Variants in MAP3K15 observed in about 807,000 individuals in gnomAD.
MAP3K15 encodes the protein mitogen-activated protein kinase kinase kinase 15.
A neutral mutation model predicts 99.5 loss-of-function variants in MAP3K15; 124 were observed. That is an observed-to-expected ratio of 1.25 (90% CI 1.08 to 1.45). MAP3K15 has a LOEUF of 1.45. MAP3K15 is among the 40% of genes most tolerant of loss of function. The pLI, the probability that MAP3K15 is intolerant of heterozygous loss-of-function variation, is 0.00. For synonymous variants in MAP3K15, 494 were observed against 439.6 expected, an observed-to-expected ratio of 1.12 and a Z score of -1.55; for missense variants, 1,242 against 1,079.7, an observed-to-expected ratio of 1.15 and a Z score of -2.11.
rs997711007 is a variant in MAP3K15, at chrX:19,486,485, G to A, written c.522C>T (p.Asn174=). 4 of 846,718 alleles carry A rather than the reference G, an allele frequency of 4.7e-6. No homozygotes were observed. Among genetic ancestry groups the A allele is most frequent in the Non-Finnish European group, 3.2e-6 (2 of 623,696 alleles). 69.8% of individuals were successfully genotyped at this position (846,718 alleles called of 1,213,427 possible). A position where few individuals can be genotyped will look rare whatever the true frequency, so the allele number is the denominator to read the frequency against. Residue 174 remains asparagine, a synonymous_variant, in exon 3 of 29, where the codon AAC becomes AAT. Coordinates refer to ENST00000338883, the MANE Select transcript of MAP3K15 (RefSeq NM_001001671.4). ...TTCTGAAAATGTTAATACTTACTGT[G>A]TTTTTTTGAGTTACCATGTCCTGAA... ...LSLKDMVTQK[N]TASSGNYYFI...
intron 9 of MAP3K15, among the ~76,000 whole-genome samples, chrX:19,419,911 A>T (rs1278010451): frequency 8.9e-6 from 1 of 112,189 alleles, no homozygotes; most frequent in Non-Finnish European, 1.9e-5. Context: ...AACTACATGG[A>T]AACTGAACAA....
At chrX:19,458,256 G>C (rs1342985275) in intron 5 of MAP3K15, among the ~76,000 whole-genome samples, 1 of 112,285 alleles carries the variant, frequency 8.9e-6, no homozygotes, top group East Asian at 2.8e-4. Flanking sequence ...TGAAAAGAAG[G>C]GATACATGAA....
intron 24 of MAP3K15, 93 bp downstream of exon 24, chrX:19,370,866 G>A: frequency 2.9e-6 from 2 of 687,565 alleles, no homozygotes; most frequent in Middle Eastern, 3.1e-4. Context: ...TAACCAAGAT[G>A]GAAAAGAGAA....
intron 3 of MAP3K15, among the ~76,000 whole-genome samples, chrX:19,465,473 C>T (rs773989369): frequency 1.6e-4 from 17 of 109,018 alleles, no homozygotes; most frequent in Non-Finnish European, 2.9e-4. Context: ...TGGCCAGGCG[C>T]GGTGGCTCAC....
chrX:19,402,921 C>T (rs768658113), intron 13 of MAP3K15, among the ~76,000 whole-genome samples: 3 of 111,908 alleles, frequency 2.7e-5, no homozygotes, highest in Non-Finnish European at 3.8e-5. Flanking sequence ...CTGCCTTGGC[C>T]TCCCAAAGTG....
chrX:19,417,509 C>T (rs910273136), intron 9 of MAP3K15, among the ~76,000 whole-genome samples: 1 of 111,737 alleles, frequency 8.9e-6, no homozygotes, highest in African/African-American at 3.2e-5. Context: ...GCGCCCACCA[C>T]TGCCGAGGCT....
At chrX:19,413,684 G>A (rs1463867072) in intron 10 of MAP3K15, among the ~76,000 whole-genome samples, 1 of 58,501 alleles carries the variant, frequency 1.7e-5, no homozygotes, top group Non-Finnish European at 2.9e-5. Context: ...TCTTGGGGGG[G>A]GGGGTGGGGA....
chrX:19,404,728 A>G (rs1183164269), intron 13 of MAP3K15, among the ~76,000 whole-genome samples: 1 of 112,042 alleles, frequency 8.9e-6, no homozygotes, highest in East Asian at 2.8e-4. Context: ...TTCCAAAAAG[A>G]GTACCAAGAC....
intron 15 of MAP3K15, among the ~76,000 whole-genome samples, chrX:19,397,805 C>T (rs762332004): frequency 9.0e-6 from 1 of 111,320 alleles, no homozygotes; most frequent in Non-Finnish European, 1.9e-5. Context: ...TGGCCGGGCG[C>T]GGTGGCTCAT....
intron 6 of MAP3K15, among the ~76,000 whole-genome samples, chrX:19,450,257 G>A (rs1037758532): frequency 2.7e-5 from 3 of 109,280 alleles, no homozygotes; most frequent in African/African-American, 6.5e-5. Flanking sequence ...GGCTGAGGTG[G>A]GAGGATCACT....
chrX:19,464,080 G>C (rs1274599767), intron 4 of MAP3K15, 133 bp downstream of exon 4: 1 of 507,255 alleles, frequency 2.0e-6, no homozygotes, highest in Admixed American at 4.0e-5. Context: ...CAGTGGCCCA[G>C]CTAAGTGAGC....
At chrX:19,390,245 A>G (rs912418852) in intron 18 of MAP3K15, among the ~76,000 whole-genome samples, 3 of 108,522 alleles carry the variant, frequency 2.8e-5, no homozygotes, top group African/African-American at 1.0e-4. Context: ...GATAGAGAAC[A>G]GTCACCTGTC....
At chrX:19,385,805 G>A (rs997869845) in intron 18 of MAP3K15, among the ~76,000 whole-genome samples, 9 of 110,217 alleles carry the variant, frequency 8.2e-5, no homozygotes, top group African/African-American at 2.0e-4. Flanking sequence ...AAGAAGAAGC[G>A]CTGCTGGAAA....
Position 19,515,472 on chromosome X carries a change from A to C in MAP3K15, c.-211T>G, listed in dbSNP as rs952791846. Among the ~76,000 whole-genome samples the C allele has an allele frequency of 9.0e-6, 1 of 110,812 alleles. No individual in the cohort carries two copies. The highest frequency in any genetic ancestry group is 1.9e-5 in the Non-Finnish European group (1 of 52,519). ...GCTGCAGCCTGACGCTCAGGCCCCA[A>C]GGCCCCCAGCGCCCTTTGAAGGCCG... On this transcript the variant is annotated 5_prime_UTR_variant, in exon 1 of 29. Coordinates refer to ENST00000338883, the MANE Select transcript of MAP3K15 (RefSeq NM_001001671.4).
intron 18 of MAP3K15, among the ~76,000 whole-genome samples, chrX:19,385,184 C>A (rs1248885840): frequency 9.0e-6 from 1 of 111,627 alleles, no homozygotes; most frequent in Non-Finnish European, 1.9e-5. Context: ...CAGGGTCTCC[C>A]AGGAAGTTGC....
Position 19,417,892 on chromosome X carries a change from G to A in MAP3K15, c.1440-2635C>T, listed in dbSNP as rs768112872. 6.4e-4 allele frequency among the ~76,000 whole-genome samples: 72 copies of A among 111,928 alleles called. No individual in the cohort carries two copies. The South Asian group carries it at 7.4e-3, about 11-fold the overall frequency. ...CAACATCTGCTGTTCACCAATATCC[G>A]CTGTTCTGCAGCCTCTGCTGCTGAT... is the stretch of plus-strand genomic sequence containing the variant. On this transcript the variant is annotated intron_variant, in intron 9 of 28. Transcript: ENST00000338883.
chrX:19,485,265 C>T (rs180859942), intron 3 of MAP3K15, among the ~76,000 whole-genome samples: 182 of 84,724 alleles, frequency 2.1e-3, no homozygotes, highest in Admixed American at 3.4e-3. Flanking sequence ...GCCAAGATCA[C>T]ACCACTGCAC....
intron 11 of MAP3K15, 133 bp from the exon 12 acceptor site, chrX:19,410,106 C>T: frequency 2.2e-6 from 1 of 455,084 alleles, no homozygotes; most frequent in Admixed American, 3.9e-5. Flanking sequence ...TACAGCAATA[C>T]ACCTTGTATA....
chrX:19,404,318 A>C lies in MAP3K15; in HGVS notation c.1844+2870T>G, dbSNP rs190247351. ...AAAGAAGTACAAAATTTGTACACTG[A>C]AACTACAAAACTATCATTGAAAGAA... On this transcript the variant is annotated intron_variant, in intron 13 of 28. Transcript: ENST00000338883. Among the ~76,000 whole-genome samples the C allele has an allele frequency of 3.0e-3, 341 of 112,355 alleles. 1 individual carries two copies. Among genetic ancestry groups the C allele is most frequent in the African/African-American group, 0.011 (326 of 30,986 alleles).
Sources: gnomAD v4.1 joint callset for allele counts (sites outside exome capture counted in the v4.1 genomes callset) on GRCh38, gnomAD v4.1.1 for gene constraint, MANE v1.5 for transcripts, NCBI Gene and HGNC (gene_info 2026-07-23, HGNC 2026-07-21) for gene names.